The following MBOAT2 variants were observed in gnomAD, a reference collection of about 807,000 sequenced individuals.
MBOAT2 encodes membrane-bound glycerophospholipid O-acyltransferase 2.
A neutral mutation model predicts 63.4 loss-of-function variants in MBOAT2; 28 were observed. The observed-to-expected ratio is 0.44, with a 90% CI of 0.33 to 0.61. The LOEUF (loss-of-function observed/expected upper bound fraction) is 0.61. Ranked by LOEUF, MBOAT2 falls within the 20% of genes least tolerant of loss-of-function variation. The pLI is 0.03. For synonymous variants in MBOAT2, 211 were observed against 215.6 expected, an observed-to-expected ratio of 0.98 and a Z score of 0.19; for missense variants, 470 against 605.8, an observed-to-expected ratio of 0.78 and a Z score of 2.35.
At chr2:8,861,528 T>C (rs762165972) in intron 11 of MBOAT2, among the ~76,000 whole-genome samples, 13 of 152,238 alleles carry the variant, frequency 8.5e-5, no homozygotes, top group Admixed American at 2.0e-4. Context: ...AGCAGGTGAC[T>C]GCCATGGTGG....
chr2:8,884,195 CAAAAAAAAAAAAAA>C (rs1169179642), intron 5 of MBOAT2, among the ~76,000 whole-genome samples: 3 of 22,100 alleles, frequency 1.4e-4, no homozygotes, highest in South Asian at 1.4e-3. Flanking sequence ...AAGACTCAGC[CAAAAAAAAAAAAAA>C]AAAAAAAAAA....
chr2:8,947,354 G>C (rs1406304039), intron 2 of MBOAT2, among the ~76,000 whole-genome samples: 1 of 152,216 alleles, frequency 6.6e-6, no homozygotes, highest in East Asian at 1.9e-4. Context: ...AGCAGCAAGT[G>C]CTGAGGTTAT....
intron 1 of MBOAT2, among the ~76,000 whole-genome samples, chr2:8,961,822 T>C (rs1669624172): frequency 6.6e-6 from 1 of 152,178 alleles, no homozygotes; most frequent in South Asian, 2.1e-4. Flanking sequence ...TGCAGCACAC[T>C]TGATACCCAT....
chr2:8,979,368 T>C (rs940888560), intron 1 of MBOAT2, among the ~76,000 whole-genome samples: 1 of 152,124 alleles, frequency 6.6e-6, no homozygotes, highest in African/African-American at 2.4e-5. Flanking sequence ...GTTTTAAAGT[T>C]TCCAGACATT....
chr2:8,975,797 C>CAAAAAAA (rs75305828), intron 1 of MBOAT2, among the ~76,000 whole-genome samples: 1 of 60,704 alleles, frequency 1.6e-5, no homozygotes, highest in Non-Finnish European at 3.9e-5. Flanking sequence ...ATGAACAATA[C>CAAAAAAA]AAAAAAAAAA....
chr2:8,868,661 T>C (rs1274007261), intron 8 of MBOAT2, 112 bp from the exon 9 acceptor site: 2 of 824,310 alleles, frequency 2.4e-6, no homozygotes, highest in African/African-American at 3.5e-5. Flanking sequence ...TAAAAGTAGA[T>C]TTATTCTGAT....
chr2:8,858,545 G>C lies in MBOAT2; in HGVS notation c.*134C>G. 1.5e-6 allele frequency: 1 copy of C among 647,550 alleles called. No individual in the cohort carries two copies. The highest frequency in any genetic ancestry group is 2.6e-6 in the Non-Finnish European group (1 of 384,118). The allele number at this position is 647,550 out of a possible 1,614,324, so 40.1% of individuals were successfully genotyped here. ...ACTCCATTTCCAATCTGGTGTACAG[G>C]AAATTCCTTATCTATAACTGTCCAT... On this transcript the variant is annotated 3_prime_UTR_variant, in exon 13 of 13. Coordinates refer to ENST00000305997, the MANE Select transcript of MBOAT2 (RefSeq NM_138799.4).
At chr2:8,863,839 T>A (rs192143943) in intron 10 of MBOAT2, among the ~76,000 whole-genome samples, 106 of 152,342 alleles carry the variant, frequency 7.0e-4, no homozygotes, top group African/African-American at 2.4e-3. Flanking sequence ...GTGCAGGCAC[T>A]TGTTAATTTA....
At chr2:8,994,032 A>T (rs1292120329) in intron 1 of MBOAT2, among the ~76,000 whole-genome samples, 2 of 152,228 alleles carry the variant, frequency 1.3e-5, no homozygotes, top group African/African-American at 4.8e-5. Flanking sequence ...AACTGAAGCA[A>T]ATAAAAGATC....
intron 1 of MBOAT2, among the ~76,000 whole-genome samples, chr2:8,996,506 C>T (rs192988819): frequency 1.3e-5 from 2 of 152,284 alleles, no homozygotes; most frequent in African/African-American, 2.4e-5. Flanking sequence ...TAGACCCCAG[C>T]AGGAGATGAG....
At chr2:8,970,142 T>C (rs1670339316) in intron 1 of MBOAT2, among the ~76,000 whole-genome samples, 3 of 152,278 alleles carry the variant, frequency 2.0e-5, no homozygotes, top group Non-Finnish European at 2.9e-5. Flanking sequence ...TCAGCAAATG[T>C]AAAAGAACAG....
At chr2:8,932,134 C>A (rs562081287) in intron 3 of MBOAT2, among the ~76,000 whole-genome samples, 1 of 152,070 alleles carries the variant, frequency 6.6e-6, no homozygotes, top group Non-Finnish European at 1.5e-5. Context: ...AAGCTAGCAA[C>A]AAGTAGGAGG....
At chr2:8,988,423 T>C (rs565396082) in intron 1 of MBOAT2, among the ~76,000 whole-genome samples, 1 of 152,350 alleles carries the variant, frequency 6.6e-6, no homozygotes, top group East Asian at 1.9e-4. Flanking sequence ...AATGACTTTA[T>C]ATGATTTATA....
At chr2:8,871,045 A>C (rs996614864) in intron 8 of MBOAT2, among the ~76,000 whole-genome samples, 1 of 151,862 alleles carries the variant, frequency 6.6e-6, no homozygotes, top group Non-Finnish European at 1.5e-5. Context: ...CCCAGGCTGG[A>C]GTGTAATGGT....
chr2:8,874,110 T>C (rs1439786099), intron 7 of MBOAT2, among the ~76,000 whole-genome samples: 1 of 152,232 alleles, frequency 6.6e-6, no homozygotes, highest in Non-Finnish European at 1.5e-5. Context: ...AGTATTCAAA[T>C]TAACTGCAGT....
At chr2:8,995,163 A>G (rs1163001634) in intron 1 of MBOAT2, among the ~76,000 whole-genome samples, 2 of 152,118 alleles carry the variant, frequency 1.3e-5, no homozygotes, top group Non-Finnish European at 2.9e-5. Flanking sequence ...CAATCTCACT[A>G]CTGGTTGCAG....
intron 3 of MBOAT2, among the ~76,000 whole-genome samples, chr2:8,921,332 T>C (rs1558617099): frequency 2.6e-5 from 4 of 152,214 alleles, no homozygotes; most frequent in Non-Finnish European, 1.5e-5. Context: ...CTGATAAAAT[T>C]TGGCCAGCTT....
intron 4 of MBOAT2, among the ~76,000 whole-genome samples, chr2:8,891,293 A>G (rs1289693057): frequency 6.6e-6 from 1 of 152,246 alleles, no homozygotes; most frequent in Non-Finnish European, 1.5e-5. Flanking sequence ...AGAAAGGATT[A>G]TAGGAAAAGT....
intron 1 of MBOAT2, among the ~76,000 whole-genome samples, chr2:8,996,813 A>G (rs1463201523): frequency 6.6e-6 from 1 of 152,184 alleles, no homozygotes; most frequent in Non-Finnish European, 1.5e-5. Flanking sequence ...ACCTACTTCA[A>G]TCTGTATCTC....
Sources: allele counts gnomAD v4.1 joint callset (sites outside exome capture counted in the v4.1 genomes callset), GRCh38; gene constraint gnomAD v4.1.1; transcripts MANE v1.5; gene names NCBI Gene and HGNC (gene_info 2026-07-23, HGNC 2026-07-21).